Variants in LRP1B observed in about 807,000 individuals in gnomAD.
The protein encoded by LRP1B is low-density lipoprotein receptor-related protein 1B.
In LRP1B, 217 loss-of-function variants were observed where a neutral mutation model predicts 556.6. That is an observed-to-expected ratio of 0.39 (90% confidence interval 0.35 to 0.44). The LOEUF (loss-of-function observed/expected upper bound fraction) is 0.44, where lower values mean the gene tolerates loss of function less well. Among genes scored for constraint, LRP1B ranks in the 20% least tolerant of loss-of-function variants. LRP1B has a pLI of 1.00. For missense variants in LRP1B, 5,053 were observed against 5,620.8 expected, an observed-to-expected ratio of 0.90 and a Z score of 3.23; for synonymous variants, 2,047 against 1,865.8, an observed-to-expected ratio of 1.10 and a Z score of -2.50.
intron 4 of LRP1B, among the ~76,000 whole-genome samples, chr2:141,253,179 C>G (rs1157375180): frequency 6.6e-6 from 1 of 152,116 alleles, no homozygotes; most frequent in African/African-American, 2.4e-5. Flanking sequence ...CACGAATGTT[C>G]AATGGCATCA....
intron 2 of LRP1B, among the ~76,000 whole-genome samples, chr2:141,552,791 T>A (rs1217834149): frequency 1.3e-5 from 2 of 151,954 alleles, no homozygotes; most frequent in African/African-American, 2.4e-5. Flanking sequence ...AAAAAAATTC[T>A]ACTGGGATTA....
chr2:141,761,359 CAAA>C (rs11355588), intron 2 of LRP1B, among the ~76,000 whole-genome samples: 4 of 148,220 alleles, frequency 2.7e-5, no homozygotes, highest in Non-Finnish European at 1.5e-5. Flanking sequence ...AATCCTAAGT[CAAA>C]AAAAAAAAAT....
At chr2:141,992,190 G>T (rs1449299725) in intron 1 of LRP1B, among the ~76,000 whole-genome samples, 1 of 151,952 alleles carries the variant, frequency 6.6e-6, no homozygotes, top group African/African-American at 2.4e-5. Context: ...ATCACAGTTG[G>T]TTGATTCCAC....
At chr2:141,691,145 G>A (rs1691513477) in intron 2 of LRP1B, among the ~76,000 whole-genome samples, 1 of 151,816 alleles carries the variant, frequency 6.6e-6, no homozygotes, top group Non-Finnish European at 1.5e-5. Flanking sequence ...CTTTGTTACT[G>A]TTGACTTTAC....
At chr2:141,798,042 T>C (rs1235945840) in intron 2 of LRP1B, among the ~76,000 whole-genome samples, 1 of 152,316 alleles carries the variant, frequency 6.6e-6, no homozygotes. Flanking sequence ...GAAGTTTGAA[T>C]GGGAATTAGA....
intron 20 of LRP1B, 116 bp downstream of exon 20, chr2:140,950,119 T>C (rs1695668337): frequency 2.9e-6 from 2 of 690,794 alleles, no homozygotes; most frequent in Admixed American, 3.4e-5. Context: ...GTTCCACATG[T>C]ATATTCTTGC....
chr2:140,872,388 TA>T (rs1205631146), intron 25 of LRP1B, among the ~76,000 whole-genome samples: 1 of 132,172 alleles, frequency 7.6e-6, no homozygotes, highest in Non-Finnish European at 1.7e-5. Flanking sequence ...TTTTTTTTTT[TA>T]CTAAAGTAGC....
intron 66 of LRP1B, among the ~76,000 whole-genome samples, chr2:140,427,300 T>C (rs1685704024): frequency 6.6e-6 from 1 of 152,156 alleles, no homozygotes; most frequent in South Asian, 2.1e-4. Flanking sequence ...CTTTGGCTGC[T>C]TGCTCACCCA....
chr2:141,714,796 G>C (rs1692513988), intron 2 of LRP1B, among the ~76,000 whole-genome samples: 1 of 152,022 alleles, frequency 6.6e-6, no homozygotes, highest in South Asian at 2.1e-4. Flanking sequence ...GAGAAAAGCA[G>C]GTTTGCTTTT....
chr2:141,497,063 T>G (rs13411463), intron 2 of LRP1B, among the ~76,000 whole-genome samples: 5,587 of 152,010 alleles, frequency 0.037, 160 homozygotes, highest in South Asian at 0.12. Context: ...ACTTGTGACA[T>G]AAGAAAAACA....
At chr2:141,133,852 G>C (rs1284971321) in intron 7 of LRP1B, among the ~76,000 whole-genome samples, 1 of 151,830 alleles carries the variant, frequency 6.6e-6, no homozygotes, top group Non-Finnish European at 1.5e-5. Flanking sequence ...TAAATCTTAA[G>C]TCCAGCTATC....
In LRP1B at chr2:141,597,036, C is replaced by T. The variant is rs144994563; in HGVS notation, c.206-116503G>A. Among the ~76,000 whole-genome samples the T allele has an allele frequency of 2.5e-3, 358 of 145,686 alleles. 3 individuals carry two copies. Among genetic ancestry groups the T allele is most frequent in the African/African-American group, 9.3e-3 (349 of 37,392 alleles). ...GCATATATATACATACACGCACAAA[C>T]ACATAAGTTCTGACATTTTACACAC... On this transcript the variant is annotated intron_variant, in intron 2 of 90. Coordinates refer to ENST00000389484, the MANE Select transcript of LRP1B (RefSeq NM_018557.3).
chr2:141,992,664 C>T (rs761632856), intron 1 of LRP1B, among the ~76,000 whole-genome samples: 3 of 151,964 alleles, frequency 2.0e-5, no homozygotes, highest in Middle Eastern at 3.2e-3. Flanking sequence ...GCATTCTGCC[C>T]GGTGTGGGAA....
At chr2:140,652,197 A>T (rs1037594812) in intron 41 of LRP1B, among the ~76,000 whole-genome samples, 2 of 151,046 alleles carry the variant, frequency 1.3e-5, no homozygotes, top group African/African-American at 4.9e-5. Flanking sequence ...TCTATAATTG[A>T]TACAGTGAAA....
At chr2:141,329,463 T>A (rs1443550866) in intron 3 of LRP1B, among the ~76,000 whole-genome samples, 1 of 149,282 alleles carries the variant, frequency 6.7e-6, no homozygotes, top group Non-Finnish European at 1.5e-5. Flanking sequence ...GCCAACACAG[T>A]GAAACCCTGT....
rs1214917866 is a variant in LRP1B at position 141,390,381 on chromosome 2, C to T, written c.343+90015G>A. On this transcript the variant is annotated intron_variant, in intron 3 of 90. Coordinates refer to ENST00000389484, the MANE Select transcript of LRP1B (RefSeq NM_018557.3). ...AAAATGTTTCACCTGGAGTAAAAAA[C>T]GTTTGGCACTCCCTCAAAAACATAA... is the stretch of plus-strand genomic sequence containing the variant. Among the ~76,000 whole-genome samples, 4 of 152,228 alleles carry T rather than the reference C, an allele frequency of 2.6e-5. No individual in the cohort carries two copies. The East Asian group carries it at 5.8e-4, about 22-fold the overall frequency.
intron 2 of LRP1B, among the ~76,000 whole-genome samples, chr2:141,486,745 C>T (rs1683135231): frequency 6.6e-6 from 1 of 152,060 alleles, no homozygotes; most frequent in Non-Finnish European, 1.5e-5. Context: ...AACTTATGCC[C>T]AAGAATAAAG....
At chr2:141,542,269 T>A (rs1279445648) in intron 2 of LRP1B, among the ~76,000 whole-genome samples, 2 of 151,996 alleles carry the variant, frequency 1.3e-5, no homozygotes, top group East Asian at 3.9e-4. Flanking sequence ...TTTTTAAGAT[T>A]AAATAAAGTA....
chr2:140,514,425 T>C (rs1193007882), intron 51 of LRP1B, among the ~76,000 whole-genome samples: 2 of 151,932 alleles, frequency 1.3e-5, no homozygotes, highest in African/African-American at 4.8e-5. Flanking sequence ...TACAAATACA[T>C]TTGTTGTGGC....
Sources: allele counts gnomAD v4.1 joint callset (sites outside exome capture counted in the v4.1 genomes callset), GRCh38; gene constraint gnomAD v4.1.1; transcripts MANE v1.5; gene names NCBI Gene and HGNC (gene_info 2026-07-23, HGNC 2026-07-21).